TNS1: variants seen among roughly 807,000 people sequenced by gnomAD.
The protein encoded by TNS1 is tensin-1.
TNS1 carries 62 observed loss-of-function variants against 168.6 expected under a neutral mutation model. The observed-to-expected ratio is 0.37, with a 90% CI of 0.30 to 0.45. The LOEUF is 0.45. Ranked by LOEUF, TNS1 falls within the 20% of genes least tolerant of loss-of-function variation. The pLI is 1.00. For missense variants in TNS1, 2,240 were observed against 2,339.4 expected, an observed-to-expected ratio of 0.96 and a Z score of 0.88; for synonymous variants, 934 against 933.2, an observed-to-expected ratio of 1.00 and a Z score of -0.02.
upstream of TNS1, among the ~76,000 whole-genome samples, chr2:218,011,162 A>C (rs559075412): frequency 3.9e-5 from 6 of 152,026 alleles, no homozygotes; most frequent in Non-Finnish European, 7.4e-5. Flanking sequence ...GCCCTTGCCT[A>C]CCTCTGCTGT....
At chr2:217,837,915 G>A (rs1319403399) in intron 19 of TNS1, among the ~76,000 whole-genome samples, 2 of 152,202 alleles carry the variant, frequency 1.3e-5, no homozygotes, top group East Asian at 1.9e-4. Context: ...AGGCTCCCAG[G>A]CCTTAGCTCC....
intron 7 of TNS1, among the ~76,000 whole-genome samples, chr2:217,898,183 T>G (rs1952526869): frequency 6.6e-6 from 1 of 152,238 alleles, no homozygotes; most frequent in Non-Finnish European, 1.5e-5. Context: ...TGGGTAGGGC[T>G]GGCAAGGACC....
At chr2:217,912,211 G>A (rs970286118) in intron 4 of TNS1, among the ~76,000 whole-genome samples, 1 of 152,222 alleles carries the variant, frequency 6.6e-6, no homozygotes, top group African/African-American at 2.4e-5. Context: ...TGCAAGGAGG[G>A]TGGGCTGGGA....
At chr2:218,031,098 CTG>C (rs1209737083) in intron 1 of TNS1, among the ~76,000 whole-genome samples, 10 of 125,092 alleles carry the variant, frequency 8.0e-5, no homozygotes, top group African/African-American at 2.6e-4. Flanking sequence ...GTGAGCGTGT[CTG>C]TGTGTATGAG....
Position 217,886,036 on chromosome 2 carries a change from A to G in TNS1, c.1040+8T>C. On this transcript the variant is annotated splice_region_variant and intron_variant, in intron 14 of 32. Coordinates refer to ENST00000682258, the MANE Select transcript of TNS1 (RefSeq NM_001387777.1). The stretch of plus-strand genomic sequence containing the variant: ...TTCTCTGGCCTCTCACGCCCATGTA[A>G]TACTTACTAGATGCCAGATGTGTAC... 6.2e-7 allele frequency: 1 copy of G among 1,614,048 alleles called. No homozygotes were observed. Among genetic ancestry groups the G allele is most frequent in the Non-Finnish European group, 8.5e-7 (1 of 1,179,994 alleles).
intron 1 of TNS1, among the ~76,000 whole-genome samples, chr2:218,026,735 A>C (rs1181820976): frequency 1.3e-5 from 2 of 152,208 alleles, no homozygotes; most frequent in African/African-American, 4.8e-5. Context: ...CACCCAGATC[A>C]GGAGACTCCA....
Position 217,886,496 on chromosome 2 carries a change from T to C in TNS1, c.979+38A>G, listed in dbSNP as rs372538959. 14 of 1,489,324 alleles carry C rather than the reference T, an allele frequency of 9.4e-6. No individual in the cohort carries two copies. In the African/African-American group the frequency reaches 1.5e-4, roughly 16 times the overall value. 92.3% of individuals were successfully genotyped at this position (1,489,324 alleles called of 1,614,324 possible). A position where few individuals can be genotyped will look rare whatever the true frequency, so the allele number is the denominator to read the frequency against. On this transcript the variant is annotated intron_variant, in intron 13 of 32. Transcript: ENST00000682258. Reference sequence around the variant, plus strand: ...GAAGATGGAAGATGAAAGGGAGGAGTTGGCAAGGGTGGAGGTCAGAGGGCT... The same window carrying C: ...GAAGATGGAAGATGAAAGGGAGGAGCTGGCAAGGGTGGAGGTCAGAGGGCT...
At chr2:217,888,498 A>G (rs1248298537) in intron 12 of TNS1, among the ~76,000 whole-genome samples, 7 of 152,196 alleles carry the variant, frequency 4.6e-5, no homozygotes, top group Admixed American at 4.6e-4. Flanking sequence ...TGAACACGAG[A>G]TGATATGGTT....
At chr2:217,974,011 GAGTGAAATACGCC>G (rs1420356074) in intron 3 of TNS1, among the ~76,000 whole-genome samples, 2 of 152,232 alleles carry the variant, frequency 1.3e-5, no homozygotes, top group Non-Finnish European at 2.9e-5. Context: ...ACATAATGCT[GAGTGAAATACGCC>G]GGATACAAAA....
chr2:217,856,248 G>A (rs978936755), intron 18 of TNS1, among the ~76,000 whole-genome samples: 1 of 152,142 alleles, frequency 6.6e-6, no homozygotes, highest in African/African-American at 2.4e-5. Flanking sequence ...GTGCTCCACT[G>A]GGTTTTAACC....
In TNS1 at chr2:217,821,754, G is replaced by A; in HGVS notation, c.3558C>T (p.Ile1186=). The A allele has an allele frequency of 6.7e-7, 1 of 1,488,084 alleles. No individual in the cohort carries two copies. Among genetic ancestry groups the A allele is most frequent in the Non-Finnish European group, 8.9e-7 (1 of 1,122,206 alleles). The allele number at this position is 1,488,084 out of a possible 1,614,324, so 92.2% of individuals were successfully genotyped here. ...SPSPLSTSSP[I]LSADSTSVGS... The stretch of plus-strand genomic sequence containing the variant: ...TCCCGGCTTACCTGTCAGCACTGAG[G>A]ATGGGGCTGCTGGTGGAGAGGGGGC... The change falls in exon 23 of 33, where the codon ATC becomes ATT. Residue 1186 remains isoleucine, a synonymous_variant. Transcript: ENST00000682258.
At chr2:217,961,567 A>G (rs1957497494) in intron 3 of TNS1, among the ~76,000 whole-genome samples, 1 of 152,156 alleles carries the variant, frequency 6.6e-6, no homozygotes, top group African/African-American at 2.4e-5. Flanking sequence ...TGCTTCTCCC[A>G]TCTTACAAAT....
At chr2:217,895,205 G>A (rs1385869932) in intron 8 of TNS1, 149 bp from the exon 9 acceptor site, 5 of 784,690 alleles carry the variant, frequency 6.4e-6, no homozygotes, top group East Asian at 2.7e-5. Context: ...CCAGCAGAGC[G>A]TCAATGTCCT....
Position 217,880,518 on chromosome 2 carries a change from G to T in TNS1, c.1429+380C>A, listed in dbSNP as rs925711273. Among the ~76,000 whole-genome samples the T allele has an allele frequency of 2.6e-5, 4 of 152,034 alleles. No homozygotes were observed. Among genetic ancestry groups the T allele is most frequent in the Admixed American group, 2.6e-4 (4 of 15,260 alleles). ...CAAATGCTGTTTTTGCAGCACAGTG[G>T]GGGGTATCTCAAGCTCCACTCAAGG... On this transcript the variant is annotated intron_variant, in intron 18 of 32. Transcript: ENST00000682258. This position sits in a 1 kb window ranked among gnomAD's most constrained non-coding sequence, Gnocchi z 4.2.
chr2:217,850,493 C>T, intron 18 of TNS1: 3 of 985,010 alleles, frequency 3.0e-6, no homozygotes, highest in Non-Finnish European at 3.6e-6. Context: ...GGCCAAAGGG[C>T]TGACTCAGGA....
At chr2:217,898,462 G>A (rs575633558) in intron 7 of TNS1, among the ~76,000 whole-genome samples, 1 of 152,312 alleles carries the variant, frequency 6.6e-6, no homozygotes, top group South Asian at 2.1e-4. Flanking sequence ...CCTAGCTCTC[G>A]AGCTGTGGAG....
At chr2:217,832,244 C>T (rs1458929730) in intron 21 of TNS1, among the ~76,000 whole-genome samples, 1 of 152,206 alleles carries the variant, frequency 6.6e-6, no homozygotes, top group African/African-American at 2.4e-5. Context: ...CCAAGAGCAC[C>T]CACTCCCTAT....
chr2:217,904,130 G>A (rs944092996), intron 6 of TNS1, among the ~76,000 whole-genome samples: 1 of 152,158 alleles, frequency 6.6e-6, no homozygotes, highest in Non-Finnish European at 1.5e-5. Flanking sequence ...TCCTCTGGGG[G>A]CTGTGGCCAA....
At position 217,913,098 on chromosome 2, in the gene TNS1, C is replaced by A. The variant is rs527874371; in HGVS notation, c.229-5847G>T. Among the ~76,000 whole-genome samples the A allele has an allele frequency of 1.8e-4, 27 of 152,254 alleles. No homozygotes were observed. In the East Asian group the frequency reaches 5.0e-3, roughly 28 times the overall value. ...GGAAGTGGGAGCCGATGGGTGAGGGCTAGAGAAAGAGCACTGAGCAGATGG... is the reference window on the plus strand; with the variant it reads ...GGAAGTGGGAGCCGATGGGTGAGGGATAGAGAAAGAGCACTGAGCAGATGG... On this transcript the variant is annotated intron_variant, in intron 4 of 32. Coordinates refer to ENST00000682258, the MANE Select transcript of TNS1 (RefSeq NM_001387777.1).
Sources: allele counts gnomAD v4.1 joint callset (sites outside exome capture counted in the v4.1 genomes callset), GRCh38; gene constraint gnomAD v4.1.1; non-coding constraint Gnocchi (gnomAD v3.1); transcripts MANE v1.5; gene names NCBI Gene and HGNC (gene_info 2026-07-23, HGNC 2026-07-21).